Variants in CLEC16A observed in about 807,000 individuals in gnomAD.
CLEC16A encodes C-type lectin domain containing 16A.
Under a neutral mutation model 109.5 loss-of-function variants are expected in CLEC16A, and 51 were observed. That is an observed-to-expected ratio of 0.47 (90% CI 0.37 to 0.59). The LOEUF is 0.59. Among genes scored for constraint, CLEC16A ranks in the 20% least tolerant of loss-of-function variants. CLEC16A has a pLI of 0.00. For missense variants in CLEC16A, 1,339 were observed against 1,394.0 expected (o/e 0.96, Z 0.63); for synonymous variants, 673 against 564.2 (o/e 1.19, Z -2.73).
intron 23 of CLEC16A, among the ~76,000 whole-genome samples, chr16:11,176,116 G>A (rs1296993521): frequency 6.6e-6 from 1 of 152,274 alleles, no homozygotes; most frequent in Non-Finnish European, 1.5e-5. Context: ...CACCAGAGCA[G>A]GTGAGCACTG....
At chr16:11,162,566 C>T (rs1259750322) in intron 22 of CLEC16A, among the ~76,000 whole-genome samples, 2 of 152,366 alleles carry the variant, frequency 1.3e-5, no homozygotes, top group South Asian at 2.1e-4. Flanking sequence ...CTCCAGCTGC[C>T]TTCTCTGCTC....
intron 22 of CLEC16A, chr16:11,136,431 C>T (rs745821814): frequency 9.8e-5 from 15 of 152,290 alleles, no homozygotes; most frequent in Admixed American, 6.5e-4. Flanking sequence ...CCATATAAAA[C>T]GTGCAGCAAA....
intron 10 of CLEC16A, among the ~76,000 whole-genome samples, chr16:10,989,852 A>C (rs1274581239): frequency 6.6e-6 from 1 of 152,170 alleles, no homozygotes; most frequent in East Asian, 1.9e-4. Context: ...TCGTTGACTT[A>C]GCTCCCCTGG....
At chr16:10,996,535 C>A (rs78286936) in intron 10 of CLEC16A, among the ~76,000 whole-genome samples, 105 of 152,326 alleles carry the variant, frequency 6.9e-4, no homozygotes, top group South Asian at 3.5e-3. Flanking sequence ...CTGCTGAAGT[C>A]CTGTTGACAT....
intron 19 of CLEC16A, among the ~76,000 whole-genome samples, chr16:11,091,957 A>G (rs2050327392): frequency 6.6e-6 from 1 of 152,112 alleles, no homozygotes; most frequent in Non-Finnish European, 1.5e-5. Flanking sequence ...GCTTCCTCAG[A>G]AGGCTTCCCC....
At position 11,104,519 on chromosome 16, in the gene CLEC16A, C is replaced by T. The variant is rs1318779040; in HGVS notation, c.2117-16096C>T. 2.6e-5 allele frequency among the ~76,000 whole-genome samples: 4 copies of T among 152,292 alleles called. No homozygotes were observed. In the East Asian group the frequency reaches 5.8e-4, roughly 22 times the overall value. Reference sequence around the variant, plus strand: ...GGAGAATACCCTGGGCCAGGATCTGCTCTCTGGAATACCCTTGTGTACTTT... The same window carrying T: ...GGAGAATACCCTGGGCCAGGATCTGTTCTCTGGAATACCCTTGTGTACTTT... On this transcript the variant is annotated intron_variant, in intron 19 of 23. Transcript: ENST00000409790.
chr16:11,042,392 T>A, intron 15 of CLEC16A, 29 bp downstream of exon 15: 1 of 1,515,142 alleles, frequency 6.6e-7, no homozygotes, highest in Non-Finnish European at 9.0e-7. Flanking sequence ...CTCCTTCCTG[T>A]GGGCCAAGGG....
chr16:11,162,855 C>G (rs1301333535), intron 22 of CLEC16A, among the ~76,000 whole-genome samples: 4 of 152,178 alleles, frequency 2.6e-5, no homozygotes, highest in Non-Finnish European at 5.9e-5. Flanking sequence ...TGCATCCACC[C>G]ACAGTGTCGT....
At chr16:11,066,945 G>T (rs542314896) in intron 19 of CLEC16A, among the ~76,000 whole-genome samples, 1 of 152,242 alleles carries the variant, frequency 6.6e-6, no homozygotes, top group African/African-American at 2.4e-5. Flanking sequence ...AGCTTTTGGG[G>T]ACGGATCGCC....
rs55810681 is a variant in CLEC16A, at chr16:10,953,976, CAA to C, written c.81-3794_81-3793del. The stretch of plus-strand genomic sequence containing the variant: ...TGGGCGACAGAGCAAGACTCCGTCT[CAA>C]AAAAAAAAAAATGGGCAAAAGACTT... On this transcript the variant is annotated intron_variant, in intron 1 of 23. Coordinates refer to ENST00000409790, the MANE Select transcript of CLEC16A (RefSeq NM_015226.3). 7.3e-4 allele frequency among the ~76,000 whole-genome samples: 106 copies of C among 145,602 alleles called. 1 individual carries two copies. The Middle Eastern group carries it at 0.021, about 29-fold the overall frequency.
intron 19 of CLEC16A, among the ~76,000 whole-genome samples, chr16:11,092,125 C>T (rs1791896898): frequency 6.6e-6 from 1 of 152,086 alleles, no homozygotes; most frequent in Admixed American, 6.6e-5. Flanking sequence ...GTGGACAGAT[C>T]ACTTGAGGTC....
chr16:11,125,904 T>TGGGGGGGGGGGGGGGGGGG, intron 21 of CLEC16A, 75 bp from the exon 22 acceptor site: 1 of 182,596 alleles, frequency 5.5e-6, no homozygotes, highest in Non-Finnish European at 1.1e-5. Flanking sequence ...CACTACGATG[T>TGGGGGGGGGGGGGGGGGGG]CCCCCCCCCC....
At chr16:11,015,210 G>A (rs2045670487) in intron 11 of CLEC16A, among the ~76,000 whole-genome samples, 1 of 152,224 alleles carries the variant, frequency 6.6e-6, no homozygotes, top group Admixed American at 6.5e-5. Context: ...AGCTGTGCTA[G>A]CTGGATGAGG....
chr16:11,165,728 G>A (rs1024494556), intron 22 of CLEC16A, among the ~76,000 whole-genome samples: 1 of 152,142 alleles, frequency 6.6e-6, no homozygotes, highest in African/African-American at 2.4e-5. Context: ...TGAGGGGCTC[G>A]TTCATCCCCG....
intron 18 of CLEC16A, among the ~76,000 whole-genome samples, chr16:11,058,060 C>T (rs1377148980): frequency 6.6e-6 from 1 of 152,158 alleles, no homozygotes. Flanking sequence ...TGTGAATTTA[C>T]AGAGTTGTGG....
At chr16:11,152,870 C>T (rs554447569) in intron 22 of CLEC16A, among the ~76,000 whole-genome samples, 58 of 152,288 alleles carry the variant, frequency 3.8e-4, no homozygotes, top group African/African-American at 1.3e-3. Flanking sequence ...TAATCATCTG[C>T]GTTCGGGCGC....
rs1011954583 is a variant in CLEC16A, at chr16:10,954,196, T to C, written c.81-3586T>C. Reference sequence around the variant, plus strand: ...AATGGAGTTCTCAGACCTTTCTTCCTGGCCACAGGTCTGTGGGCGAGCTAC... The same window carrying C: ...AATGGAGTTCTCAGACCTTTCTTCCCGGCCACAGGTCTGTGGGCGAGCTAC... On this transcript the variant is annotated intron_variant, in intron 1 of 23. Transcript: ENST00000409790. The surrounding 1 kb of genome is among the most constrained non-coding windows in gnomAD (Gnocchi z 4.2). 7.2e-5 allele frequency among the ~76,000 whole-genome samples: 11 copies of C among 152,174 alleles called. No homozygotes were observed. Among genetic ancestry groups the C allele is most frequent in the African/African-American group, 2.4e-4 (10 of 41,450 alleles).
At chr16:11,106,896 C>A (rs925674425) in intron 19 of CLEC16A, among the ~76,000 whole-genome samples, 1 of 152,196 alleles carries the variant, frequency 6.6e-6, no homozygotes, top group Non-Finnish European at 1.5e-5. Context: ...CAACTCCAGG[C>A]ACTTGGCCCA....
At chr16:10,959,014 G>GGTGT (rs59658260) in intron 2 of CLEC16A, among the ~76,000 whole-genome samples, 11,808 of 146,198 alleles carry the variant, frequency 0.081, 919 homozygotes, top group African/African-American at 0.21. Flanking sequence ...ACTAAACACG[G>GGTGT]GTGTGTGTGT....
Sources: gnomAD v4.1 joint callset for allele counts (sites outside exome capture counted in the v4.1 genomes callset) on GRCh38, gnomAD v4.1.1 for gene constraint, Gnocchi (gnomAD v3.1) non-coding constraint, MANE v1.5 for transcripts, NCBI Gene and HGNC (gene_info 2026-07-23, HGNC 2026-07-21) for gene names.